Variants in ROPN1 observed in about 807,000 individuals in gnomAD.
The protein encoded by ROPN1 is rhophilin associated tail protein 1, also known as ropporin-1A.
ROPN1 carries 14 observed loss-of-function variants against 20.5 expected under a neutral mutation model. The ratio of observed to expected loss-of-function variants is 0.68; its 90% confidence interval spans 0.45 to 1.07. The LOEUF (loss-of-function observed/expected upper bound fraction) is 1.07, where lower values mean the gene tolerates loss of function less well. Ranked by LOEUF, ROPN1 falls within the 50% of genes least tolerant of loss-of-function variation. The pLI, the probability that ROPN1 is intolerant of heterozygous loss-of-function variation, is 0.00. For synonymous variants in ROPN1, 76 were observed against 95.7 expected (o/e 0.79, Z 1.20); for missense variants, 169 against 242.8 (o/e 0.70, Z 2.02).
chr3:123,977,344 T>C (rs1045750212), intron 2 of ROPN1, among the ~76,000 whole-genome samples: 1 of 152,148 alleles, frequency 6.6e-6, no homozygotes, highest in African/African-American at 2.4e-5. Context: ...ATATATAATA[T>C]TGGGAAGAGA....
chr3:123,985,286 A>T (rs2149000930), intron 1 of ROPN1, among the ~76,000 whole-genome samples: 1 of 152,352 alleles, frequency 6.6e-6, no homozygotes, highest in African/African-American at 2.4e-5. Context: ...TTGTTAAAAC[A>T]ATCCCTGTAC....
At chr3:123,982,767 G>T (rs2038175683) in intron 1 of ROPN1, among the ~76,000 whole-genome samples, 1 of 152,042 alleles carries the variant, frequency 6.6e-6, no homozygotes, top group Admixed American at 6.6e-5. Flanking sequence ...GTACAGTTCA[G>T]TGTCATTAAG....
chr3:123,985,557 C>T (rs1025778056), intron 1 of ROPN1, among the ~76,000 whole-genome samples: 1 of 151,862 alleles, frequency 6.6e-6, no homozygotes, highest in Non-Finnish European at 1.5e-5. Flanking sequence ...CTTATTTATT[C>T]TTGGCTTTTG....
intron 4 of ROPN1, among the ~76,000 whole-genome samples, chr3:123,974,246 G>A (rs2037971649): frequency 6.6e-6 from 1 of 152,134 alleles, no homozygotes; most frequent in South Asian, 2.1e-4. Context: ...AACCCTATGA[G>A]AATTTAATAA....
rs143159903 is a variant in ROPN1, at chr3:123,987,019, G to T, written c.-13+4903C>A. Among the ~76,000 whole-genome samples the T allele has an allele frequency of 4.3e-3, 652 of 152,382 alleles. 1 individual carries two copies. Among genetic ancestry groups the T allele is most frequent in the Middle Eastern group, 6.8e-3 (2 of 294 alleles). On this transcript the variant is annotated intron_variant, in intron 1 of 5. Coordinates refer to ENST00000405845, the MANE Select transcript of ROPN1 (RefSeq NM_001317774.2). ...CGCCCTGCAGAGATCAGGTCCAACA[G>T]TTCCCCTACAGCTAAAGTCTCTTAT...
chr3:123,969,947 T>A, intron 5 of ROPN1, 95 bp downstream of exon 5: 1 of 1,212,758 alleles, frequency 8.2e-7, no homozygotes, highest in South Asian at 1.5e-5. Context: ...CTTTTCTGTT[T>A]CCAGAGCAGT....
At chr3:123,980,831 A>T in intron 1 of ROPN1, 1 of 201,052 alleles carries the variant, frequency 5.0e-6, no homozygotes, top group Non-Finnish European at 9.9e-6. Flanking sequence ...TTTGTAAAAT[A>T]AAAAAATAAG....
intron 2 of ROPN1, chr3:123,979,675 T>C (rs2038096471): frequency 2.5e-6 from 1 of 395,370 alleles, no homozygotes; most frequent in African/African-American, 2.1e-5. Flanking sequence ...GGCACACTGT[T>C]TTCAGCCATG....
chr3:123,990,776 G>A (rs2038389460), intron 1 of ROPN1, among the ~76,000 whole-genome samples: 1 of 152,098 alleles, frequency 6.6e-6, no homozygotes, highest in South Asian at 2.1e-4. Flanking sequence ...AAACCTACAT[G>A]CCTCTCAATG....
At chr3:123,988,807 G>A (rs1249636257) in intron 1 of ROPN1, among the ~76,000 whole-genome samples, 1 of 151,976 alleles carries the variant, frequency 6.6e-6, no homozygotes, top group Non-Finnish European at 1.5e-5. Flanking sequence ...CACACACTCT[G>A]CTTCATGGAG....
At chr3:123,984,575 C>T (rs560045880) in intron 1 of ROPN1, among the ~76,000 whole-genome samples, 159 of 152,294 alleles carry the variant, frequency 1.0e-3, no homozygotes, top group South Asian at 4.2e-3. Context: ...TTCAGTGTGT[C>T]CAGATCTATC....
chr3:123,970,385 A>G (rs2037891970), intron 4 of ROPN1, among the ~76,000 whole-genome samples, 168 bp from the exon 5 acceptor site: 1 of 152,224 alleles, frequency 6.6e-6, no homozygotes, highest in South Asian at 2.1e-4. Context: ...TCACTAATTC[A>G]TTCTAAAAAA....
Position 123,970,178 on chromosome 3 carries a change from A to G in ROPN1, c.436T>C (p.Ser146Pro). 1 of 1,614,130 alleles carries G rather than the reference A, an allele frequency of 6.2e-7. No homozygotes were observed. The highest frequency in any genetic ancestry group is 8.5e-7 in the Non-Finnish European group (1 of 1,179,952). Residue 146 changes from serine (S) to proline (P), a missense_variant, in exon 5 of 6, where the codon TCA (serine) becomes CCA (proline). This residue lies in a region of ROPN1 where 82 missense variants were observed against 100.1 expected (regional missense o/e 0.82). Coordinates refer to ENST00000405845, the MANE Select transcript of ROPN1 (RefSeq NM_001317774.2). ...KTLKIVCEVL[S>P]CDHNGGSPRI... ...GGCGACCCACCATTATGGTCACATG[A>G]TAAGACCTCACACACTATCTTGAGA...
chr3:123,983,891 G>T (rs2038201378), intron 1 of ROPN1, among the ~76,000 whole-genome samples: 1 of 152,134 alleles, frequency 6.6e-6, no homozygotes, highest in Non-Finnish European at 1.5e-5. Context: ...AAAGATAACA[G>T]AACTTTTGCA....
intron 1 of ROPN1, among the ~76,000 whole-genome samples, chr3:123,983,120 C>G (rs1244620660): frequency 6.6e-6 from 1 of 152,146 alleles, no homozygotes; most frequent in Non-Finnish European, 1.5e-5. Flanking sequence ...GTTCTTAAGG[C>G]TGAATACTAT....
intron 1 of ROPN1, among the ~76,000 whole-genome samples, chr3:123,986,092 TTAAA>T (rs2038249430): frequency 6.7e-6 from 1 of 150,222 alleles, no homozygotes; most frequent in South Asian, 2.1e-4. Context: ...AATTACTAAA[TTAAA>T]TAATGTTTCC....
At chr3:123,972,685 ATTCCTGTTACTAGATC>A (rs1392298874) in intron 4 of ROPN1, among the ~76,000 whole-genome samples, 1 of 152,234 alleles carries the variant, frequency 6.6e-6, no homozygotes, top group African/African-American at 2.4e-5. Context: ...CAGAGTAAAA[ATTCCTGTTACTAGATC>A]TTCTACAAGG....
chr3:123,977,943 AG>A (rs1279884305), intron 2 of ROPN1, among the ~76,000 whole-genome samples: 1 of 152,224 alleles, frequency 6.6e-6, no homozygotes, highest in Non-Finnish European at 1.5e-5. Context: ...GCAGCATGGC[AG>A]GGTCTGTCTC....
chr3:123,986,618 C>T (rs929490237), intron 1 of ROPN1, among the ~76,000 whole-genome samples: 3 of 152,092 alleles, frequency 2.0e-5, no homozygotes, highest in African/African-American at 7.2e-5. Flanking sequence ...GGTTCTGTAC[C>T]CTCCAAGGCT....
Sources: gnomAD v4.1 joint callset for allele counts (sites outside exome capture counted in the v4.1 genomes callset) on GRCh38, gnomAD v4.1.1 for gene constraint, gnomAD v4.1.1 regional missense constraint, MANE v1.5 for transcripts, NCBI Gene and HGNC (gene_info 2026-07-23, HGNC 2026-07-21) for gene names.